The following HS6ST1 variants were observed in gnomAD, a reference collection of about 807,000 sequenced individuals.
HS6ST1 encodes heparan sulfate 6-O-sulfotransferase 1, also known as heparan-sulfate 6-O-sulfotransferase 1.
A neutral mutation model predicts 25.2 loss-of-function variants in HS6ST1; 3 were observed. The observed-to-expected ratio is 0.12, with a 90% CI of 0.05 to 0.31. The LOEUF (loss-of-function observed/expected upper bound fraction) is 0.31, where lower values mean the gene tolerates loss of function less well. Among genes scored for constraint, HS6ST1 ranks in the 10% least tolerant of loss-of-function variants. The probability of loss-of-function intolerance (pLI) is 1.00; values close to 1 mark genes in which losing one functional copy is unlikely to be tolerated. For missense variants in HS6ST1, 310 were observed against 609.6 expected, an observed-to-expected ratio of 0.51 and a Z score of 5.18; for synonymous variants, 204 against 275.1, an observed-to-expected ratio of 0.74 and a Z score of 2.56.
chr2:128,288,201 C>T (rs539074222), intron 1 of HS6ST1, among the ~76,000 whole-genome samples: 3 of 152,326 alleles, frequency 2.0e-5, no homozygotes, highest in East Asian at 1.9e-4. Context: ...CGAGGACTCA[C>T]GTGGCCCTTC....
intron 1 of HS6ST1, among the ~76,000 whole-genome samples, chr2:128,309,349 A>T (rs1376439471): frequency 6.6e-6 from 1 of 152,260 alleles, no homozygotes; most frequent in Non-Finnish European, 1.5e-5. Context: ...ATGGGGCCAG[A>T]GCTAGAATGC....
At chr2:128,301,852 C>G (rs1351882811) in intron 1 of HS6ST1, among the ~76,000 whole-genome samples, 2 of 152,198 alleles carry the variant, frequency 1.3e-5, no homozygotes, top group Non-Finnish European at 2.9e-5. Context: ...TTCCTGGGCC[C>G]CACTGGCTCA....
chr2:128,294,725 G>A (rs554536447), intron 1 of HS6ST1, among the ~76,000 whole-genome samples: 124 of 150,266 alleles, frequency 8.3e-4, no homozygotes, highest in African/African-American at 3.0e-3. Context: ...TGGAGGGGGA[G>A]ACAAAAGAGG....
In HS6ST1 at chr2:128,267,850, A is replaced by T. The variant is rs1693545083; in HGVS notation, c.*312T>A. 1 of 504,982 alleles carries T rather than the reference A, an allele frequency of 2.0e-6. No homozygotes were observed. Among genetic ancestry groups the T allele is most frequent in the South Asian group, 2.7e-5 (1 of 37,252 alleles). The allele number at this position is 504,982 out of a possible 1,614,324, so 31.3% of individuals were successfully genotyped here. A position where few individuals can be genotyped will look rare whatever the true frequency, so the allele number is the denominator to read the frequency against. On this transcript the variant is annotated 3_prime_UTR_variant, in exon 2 of 2. Coordinates refer to ENST00000259241, the MANE Select transcript of HS6ST1 (RefSeq NM_004807.3). The stretch of plus-strand genomic sequence containing the variant: ...GTCCTCGTCTCTTGCGCAAACCTTC[A>T]GTTTTTGCGATAAATCCAAGGAGGC...
chr2:128,300,788 C>T (rs965658513), intron 1 of HS6ST1, among the ~76,000 whole-genome samples: 1 of 152,218 alleles, frequency 6.6e-6, no homozygotes, highest in East Asian at 1.9e-4. Context: ...CCATGAGATG[C>T]CTAGGGCAGA....
At chr2:128,316,648 C>T (rs969279326) in intron 1 of HS6ST1, among the ~76,000 whole-genome samples, 24 of 152,126 alleles carry the variant, frequency 1.6e-4, no homozygotes, top group African/African-American at 5.8e-4. Context: ...TAGAATGTGG[C>T]TGTAAGAGGC....
rs1199320397 is a variant in HS6ST1, at chr2:128,267,683, G to C, written c.*479C>G. On this transcript the variant is annotated 3_prime_UTR_variant, in exon 2 of 2. Coordinates refer to ENST00000259241, the MANE Select transcript of HS6ST1 (RefSeq NM_004807.3). ...GCATTGGGGGCAGCCAGAAGAGGAGGGGCTATGGGATGGCCTGGAGCTGGG... is the reference window on the plus strand; with the variant it reads ...GCATTGGGGGCAGCCAGAAGAGGAGCGGCTATGGGATGGCCTGGAGCTGGG... 1.1e-5 allele frequency: 2 copies of C among 182,492 alleles called. No homozygotes were observed. Among genetic ancestry groups the C allele is most frequent in the African/African-American group, 4.7e-5 (2 of 42,196 alleles). The allele number at this position is 182,492 out of a possible 1,614,324, so 11.3% of individuals were successfully genotyped here.
Position 128,268,652 on chromosome 2 carries a change from C to T in HS6ST1, c.746G>A (p.Arg249His), listed in dbSNP as rs1278055169. 5 of 1,610,572 alleles carry T rather than the reference C, an allele frequency of 3.1e-6. No homozygotes were observed. The highest frequency in any genetic ancestry group is 4.2e-6 in the Non-Finnish European group (5 of 1,179,208). The change falls in exon 2 of 2, where the codon CGC becomes CAC. Residue 249 changes from arginine to histidine, a missense_variant. Around this residue, in one of 5 missense-constraint regions of HS6ST1, gnomAD observed 98 missense variants for 270.3 expected, o/e 0.36. Coordinates refer to ENST00000259241, the MANE Select transcript of HS6ST1 (RefSeq NM_004807.3). The part of the protein sequence containing the change: ...MDCPYNLANN[R>H]QVRMLADLSL... ...CAGGTCGGCCAGCATGCGCACCTGG[C>T]GGTTGTTGGCCAGGTTGTACGGGCA...
At chr2:128,279,305 T>C (rs1183546961) in intron 1 of HS6ST1, among the ~76,000 whole-genome samples, 1 of 150,766 alleles carries the variant, frequency 6.6e-6, no homozygotes, top group African/African-American at 2.4e-5. Context: ...GAGGACGCTG[T>C]CATTTAGAGT....
chr2:128,279,897 C>A (rs948088788), intron 1 of HS6ST1, among the ~76,000 whole-genome samples: 1 of 152,192 alleles, frequency 6.6e-6, no homozygotes, highest in South Asian at 2.1e-4. Flanking sequence ...CCACACTCAG[C>A]GACAGCACCT....
At chr2:128,272,654 G>A (rs1437672703) in intron 1 of HS6ST1, among the ~76,000 whole-genome samples, 1 of 152,210 alleles carries the variant, frequency 6.6e-6, no homozygotes, top group African/African-American at 2.4e-5. Context: ...AGAGTTGGGG[G>A]CCAGAGACAG....
intron 1 of HS6ST1, among the ~76,000 whole-genome samples, chr2:128,270,765 T>C (rs904616696): frequency 6.6e-6 from 1 of 151,942 alleles, no homozygotes; most frequent in Non-Finnish European, 1.5e-5. Context: ...GTGTGGCAGG[T>C]TTCTTCTGAA....
intron 1 of HS6ST1, among the ~76,000 whole-genome samples, chr2:128,315,062 G>A (rs1694341968): frequency 6.6e-6 from 1 of 152,228 alleles, no homozygotes; most frequent in African/African-American, 2.4e-5. Flanking sequence ...GCTGCCTGGG[G>A]ATGGCCACAC....
intron 1 of HS6ST1, among the ~76,000 whole-genome samples, chr2:128,314,180 G>C (rs1041350283): frequency 6.6e-6 from 1 of 151,978 alleles, no homozygotes; most frequent in Admixed American, 6.6e-5. Context: ...CGATTATGAA[G>C]GTAAGGTGGA....
intron 1 of HS6ST1, among the ~76,000 whole-genome samples, chr2:128,299,329 A>T (rs1694087742): frequency 6.6e-6 from 1 of 152,262 alleles, no homozygotes; most frequent in Non-Finnish European, 1.5e-5. Context: ...GCCCATCAGC[A>T]GGAGCGAGCC....
At chr2:128,304,267 C>A (rs555553059) in intron 1 of HS6ST1, among the ~76,000 whole-genome samples, 1 of 152,326 alleles carries the variant, frequency 6.6e-6, no homozygotes, top group African/African-American at 2.4e-5. Context: ...ATAGCTCCCC[C>A]TCCCCGACCC....
chr2:128,272,696 C>T (rs1166604370), intron 1 of HS6ST1, among the ~76,000 whole-genome samples: 1 of 152,132 alleles, frequency 6.6e-6, no homozygotes, highest in African/African-American at 2.4e-5. Flanking sequence ...TTTTCTGGGT[C>T]CAGCCATTGA....
chr2:128,266,064 C>G lies in HS6ST1; in HGVS notation c.*2098G>C, dbSNP rs904197175. On this transcript the variant is annotated 3_prime_UTR_variant, in exon 2 of 2. Transcript: ENST00000259241. ...CCGTGCTTCCGTGTGAGTTGGGATG[C>G]GGGGCATAAGTTAACACATATTCCA... 2.6e-5 allele frequency: 4 copies of G among 151,360 alleles called. No homozygotes were observed. The highest frequency in any genetic ancestry group is 9.7e-5 in the African/African-American group (4 of 41,158). 9.4% of individuals were successfully genotyped at this position (151,360 alleles called of 1,614,324 possible). A position where few individuals can be genotyped will look rare whatever the true frequency, so the allele number is the denominator to read the frequency against.
chr2:128,276,291 G>A lies in HS6ST1; in HGVS notation c.528-7421C>T, dbSNP rs182819025. The stretch of plus-strand genomic sequence containing the variant: ...TACTCGTGGTGGCATGCACCACCAC[G>A]TCCGGCTAATTTTTTCGTATTTTTA... On this transcript the variant is annotated intron_variant, in intron 1 of 1. Coordinates refer to ENST00000259241, the MANE Select transcript of HS6ST1 (RefSeq NM_004807.3). Among the ~76,000 whole-genome samples the A allele has an allele frequency of 3.9e-3, 599 of 152,210 alleles. 5 individuals carry two copies. Among genetic ancestry groups the A allele is most frequent in the African/African-American group, 0.014 (568 of 41,536 alleles).
Sources: gnomAD v4.1 joint callset for allele counts (sites outside exome capture counted in the v4.1 genomes callset) on GRCh38, gnomAD v4.1.1 for gene constraint, gnomAD v4.1.1 regional missense constraint, MANE v1.5 for transcripts, NCBI Gene and HGNC (gene_info 2026-07-23, HGNC 2026-07-21) for gene names.